The following FNBP4 variants were observed in gnomAD, a reference collection of about 807,000 sequenced individuals.
FNBP4 encodes the protein formin binding protein 4.
A neutral mutation model predicts 119.3 loss-of-function variants in FNBP4; 34 were observed. The ratio of observed to expected loss-of-function variants is 0.28; its 90% CI spans 0.22 to 0.38. The LOEUF is 0.38. Among genes scored for constraint, FNBP4 ranks in the 10% least tolerant of loss-of-function variants. The pLI is 1.00. For synonymous variants in FNBP4, 462 were observed against 430.6 expected (o/e 1.07, Z -0.90); for missense variants, 1,112 against 1,228.9 (o/e 0.90, Z 1.42).
At position 47,720,105 on chromosome 11, in the gene FNBP4, G is replaced by T. The variant is rs1322154705; in HGVS notation, c.2806-19C>A. On this transcript the variant is annotated intron_variant, in intron 15 of 16. Coordinates refer to ENST00000263773, the MANE Select transcript of FNBP4 (RefSeq NM_015308.5). ...TCTTTGCCTGTAACAAAGGTTAAAG[G>T]TCAAAAGGAATAGAAAACATAAAAT... The T allele has an allele frequency of 3.7e-6, 6 of 1,603,300 alleles. No homozygotes were observed. In the Admixed American group the frequency reaches 1.0e-4, roughly 28 times the overall value.
At chr11:47,731,680 G>A (rs2097567619) in intron 11 of FNBP4, 119 bp from the exon 12 acceptor site, 1 of 1,447,642 alleles carries the variant, frequency 6.9e-7, no homozygotes, top group Non-Finnish European at 9.0e-7. Context: ...TTAATGGACT[G>A]CTATTCACAA....
intron 16 of FNBP4, among the ~76,000 whole-genome samples, chr11:47,718,051 G>A (rs1029188985): frequency 6.6e-6 from 1 of 151,648 alleles, no homozygotes; most frequent in African/African-American, 2.4e-5. Context: ...CACCGTGCCC[G>A]GCCTTATTTA....
intron 3 of FNBP4, among the ~76,000 whole-genome samples, chr11:47,754,218 A>G (rs899035699): frequency 6.7e-6 from 1 of 149,250 alleles, no homozygotes; most frequent in African/African-American, 2.5e-5. Flanking sequence ...AGAAAAAAAA[A>G]AAAAAGGAGA....
chr11:47,719,222 C>T (rs946992242), intron 16 of FNBP4, among the ~76,000 whole-genome samples: 5 of 152,190 alleles, frequency 3.3e-5, no homozygotes, highest in African/African-American at 1.2e-4. Flanking sequence ...ATATTTCTGA[C>T]CTGAGTGTGG....
chr11:47,719,567 TATG>T (rs1466270466), intron 16 of FNBP4, among the ~76,000 whole-genome samples: 2 of 105,534 alleles, frequency 1.9e-5, no homozygotes, highest in Non-Finnish European at 3.8e-5. Flanking sequence ...GTTAATATGT[TATG>T]TGTGTATGTG....
chr11:47,740,955 C>T (rs2135164556), intron 8 of FNBP4, among the ~76,000 whole-genome samples: 1 of 150,692 alleles, frequency 6.6e-6, no homozygotes, highest in East Asian at 1.9e-4. Context: ...GTGGTGCCAT[C>T]TCAGCTCACC....
intron 8 of FNBP4, among the ~76,000 whole-genome samples, chr11:47,739,924 A>G (rs2097579456): frequency 1.3e-5 from 2 of 151,176 alleles, no homozygotes; most frequent in South Asian, 2.1e-4. Context: ...GATTACAGGC[A>G]TGCGCCACCA....
chr11:47,765,851 CTTTTTT>C lies in FNBP4; in HGVS notation c.221-495_221-490del, dbSNP rs1167976570. ...GAGATAATAAACACAGAGCTGGAAT[CTTTTTT>C]TTTTTTTTTTTTTGAGACGGAGTTT... is the stretch of plus-strand genomic sequence containing the variant. On this transcript the variant is annotated intron_variant, in intron 1 of 16. Coordinates refer to ENST00000263773, the MANE Select transcript of FNBP4 (RefSeq NM_015308.5). Among the ~76,000 whole-genome samples, 13 of 82,194 alleles carry C rather than the reference CTTTTTT, an allele frequency of 1.6e-4. 1 individual carries two copies. In the South Asian group the frequency reaches 3.9e-3, roughly 24 times the overall value. 53.9% of individuals were successfully genotyped at this position (82,194 alleles called of 152,430 possible).
intron 2 of FNBP4, among the ~76,000 whole-genome samples, chr11:47,764,268 G>C (rs2097642169): frequency 6.6e-6 from 1 of 152,162 alleles, no homozygotes; most frequent in African/African-American, 2.4e-5. Context: ...TTTTAGTAGA[G>C]ATGGGGTTTC....
intron 8 of FNBP4, among the ~76,000 whole-genome samples, chr11:47,741,688 C>T (rs569956851): frequency 2.0e-4 from 30 of 152,218 alleles, no homozygotes; most frequent in East Asian, 1.2e-3. Context: ...CAGTGGCAGG[C>T]GCCTGTAATC....
In FNBP4 at chr11:47,752,926, T is replaced by C. The variant is rs1273582314; in HGVS notation, c.627A>G (p.Ser209=). 2 of 1,611,664 alleles carry C rather than the reference T, an allele frequency of 1.2e-6. No homozygotes were observed. Among genetic ancestry groups the C allele is most frequent in the Admixed American group, 3.4e-5 (2 of 59,370 alleles). Residue 209 remains serine, a synonymous_variant, in exon 4 of 17, where the codon TCA becomes TCG. Transcript: ENST00000263773. ...AAGGATCAAGTTTACCTCCTGCCAG[T>C]GAACACTGAGTATCATATTGCCAAC... ...TSGWQYDTQC[S]LAGVGIEMGD...
chr11:47,733,605 A>C (rs1599181658), intron 10 of FNBP4, among the ~76,000 whole-genome samples: 1 of 152,258 alleles, frequency 6.6e-6, no homozygotes, highest in South Asian at 2.1e-4. Flanking sequence ...AAGTGCTGGG[A>C]TTACAGGTGT....
At chr11:47,749,588 T>G (rs2097597777) in intron 6 of FNBP4, among the ~76,000 whole-genome samples, 1 of 152,076 alleles carries the variant, frequency 6.6e-6, no homozygotes, top group African/African-American at 2.4e-5. Context: ...AAATATATTT[T>G]GATGCAAAAA....
At chr11:47,756,422 A>T (rs1324691825) in intron 2 of FNBP4, among the ~76,000 whole-genome samples, 4 of 152,206 alleles carry the variant, frequency 2.6e-5, no homozygotes, top group Non-Finnish European at 5.9e-5. Flanking sequence ...TCCCATACAT[A>T]AACTCAAAGG....
At chr11:47,746,476 A>G in intron 6 of FNBP4, 82 bp from the exon 7 acceptor site, 2 of 1,214,082 alleles carry the variant, frequency 1.6e-6, no homozygotes, top group Non-Finnish European at 2.3e-6. Flanking sequence ...ACACACATTC[A>G]TATTAACTGT....
chr11:47,731,318 A>C, intron 12 of FNBP4, 56 bp downstream of exon 12: 3 of 1,479,830 alleles, frequency 2.0e-6, no homozygotes, highest in Non-Finnish European at 2.7e-6. Context: ...GTAAATTAAT[A>C]AGATTTTTCC....
At chr11:47,731,604 C>T in intron 11 of FNBP4, 43 bp from the exon 12 acceptor site, 1 of 1,564,402 alleles carries the variant, frequency 6.4e-7, no homozygotes, top group Admixed American at 1.9e-5. Flanking sequence ...AACCCGTTCT[C>T]CTACAAAGAC....
rs2097590085 is a variant in FNBP4, at chr11:47,746,304, C to T, written c.997G>A (p.Gly333Arg). The T allele has an allele frequency of 1.2e-6, 2 of 1,613,952 alleles. No individual in the cohort carries two copies. Among genetic ancestry groups the T allele is most frequent in the African/African-American group, 1.3e-5 (1 of 74,918 alleles). The change falls in exon 7 of 17, where the codon GGA (glycine) becomes AGA (arginine). Residue 333 changes from glycine to arginine, a missense_variant. Physicochemically the swap from Gly to Arg is moderately radical, Grantham distance 125 (BLOSUM62 -2). Coordinates refer to ENST00000263773, the MANE Select transcript of FNBP4 (RefSeq NM_015308.5). ...ASLLAPLLPE[G>R]IKEEEERWRR... ...CATCTCTCTTCTTCTTCTTTTATTC[C>T]CTCAGGCAATAAAGGAGCAAGCAGC...
intron 1 of FNBP4, 117 bp downstream of exon 1, chr11:47,766,952 C>A: frequency 7.3e-7 from 1 of 1,377,248 alleles, no homozygotes; most frequent in Non-Finnish European, 9.3e-7. Flanking sequence ...AGGCCCGCAG[C>A]AGGCAGGCCT....
Sources: gnomAD v4.1 joint callset for allele counts (sites outside exome capture counted in the v4.1 genomes callset) on GRCh38, gnomAD v4.1.1 for gene constraint, MANE v1.5 for transcripts, NCBI Gene and HGNC (gene_info 2026-07-23, HGNC 2026-07-21) for gene names.